Variants in DCAF1 observed in about 807,000 individuals in gnomAD.
The protein encoded by DCAF1 is DDB1- and CUL4-associated factor 1.
Under a neutral mutation model 128.0 loss-of-function variants are expected in DCAF1, and 15 were observed. The ratio of observed to expected loss-of-function variants is 0.12; its 90% CI spans 0.08 to 0.18. The LOEUF (loss-of-function observed/expected upper bound fraction) is 0.18. DCAF1 is among the 10% of genes least tolerant of loss of function. DCAF1 has a pLI of 1.00. For synonymous variants in DCAF1, 610 were observed against 603.0 expected (o/e 1.01, Z -0.17); for missense variants, 988 against 1,649.5 (o/e 0.60, Z 6.95).
chr3:51,452,369 GATTT>G (rs1553641697), intron 6 of DCAF1, among the ~76,000 whole-genome samples: 2 of 151,984 alleles, frequency 1.3e-5, no homozygotes, highest in Admixed American at 6.6e-5. Flanking sequence ...AAGAAATATT[GATTT>G]ATTAAAAAAA....
At chr3:51,483,609 TTGTGTGTGTGTGTGTGTGTGTGTGTGTG>T in intron 3 of DCAF1, 82 bp downstream of exon 3, 1 of 474,814 alleles carries the variant, frequency 2.1e-6, no homozygotes, top group Non-Finnish European at 4.0e-6. Flanking sequence ...TTAAACTAGT[TTGTGTGTGTGTGTGTGTGTGTGTGTGTG>T]TGTGTGTGTA....
rs267599883 is a variant in DCAF1 at position 51,422,406 on chromosome 3, C to A, written c.1873G>T (p.Asp625Tyr). Residue 625 changes from aspartate (D) to tyrosine (Y), a missense_variant, in exon 14 of 25, where the codon GAT becomes TAT. Asp to Tyr is a radical substitution (Grantham distance 160). Around this residue, in one of 11 missense-constraint regions of DCAF1, gnomAD observed 185 missense variants for 248.1 expected, o/e 0.75. Coordinates refer to ENST00000684031, the MANE Select transcript of DCAF1 (RefSeq NM_001387579.1). The part of the protein sequence containing the change: ...ARNDTVRFAL[D>Y]VLAILTVVPK... The stretch of plus-strand genomic sequence containing the variant: ...ACCACAGTAAGAATAGCCAGGACAT[C>A]CAAAGCAAAGCGCACAGTGTCATTC... 1.4e-6 allele frequency: 1 copy of A among 729,282 alleles called. No homozygotes were observed. The highest frequency in any genetic ancestry group is 2.6e-6 in the Non-Finnish European group (1 of 391,146). 45.2% of individuals were successfully genotyped at this position (729,282 alleles called of 1,614,324 possible).
At chr3:51,414,898 T>C (rs782160645) in intron 18 of DCAF1, 41 bp from the exon 19 acceptor site, 35 of 1,584,710 alleles carry the variant, frequency 2.2e-5, no homozygotes, top group Non-Finnish European at 2.6e-6. Context: ...ATCAGACCAA[T>C]CCATCCACTG....
chr3:51,469,599 C>G (rs1340960591), intron 4 of DCAF1, among the ~76,000 whole-genome samples: 2 of 152,098 alleles, frequency 1.3e-5, no homozygotes, highest in African/African-American at 4.8e-5. Flanking sequence ...TGGGCCCATG[C>G]ATGACTTCAG....
intron 13 of DCAF1, among the ~76,000 whole-genome samples, chr3:51,423,485 G>GA (rs1239251804): frequency 6.7e-6 from 1 of 150,146 alleles, no homozygotes; most frequent in Non-Finnish European, 1.5e-5. Flanking sequence ...TCGGGCCACA[G>GA]AGAGAGACTC....
intron 3 of DCAF1, among the ~76,000 whole-genome samples, chr3:51,480,125 A>T (rs75719026): frequency 4.5e-4 from 67 of 148,232 alleles, no homozygotes; most frequent in Admixed American, 2.5e-3. Context: ...AAAAAAAAAA[A>T]TTTTTTTTAA....
intron 9 of DCAF1, among the ~76,000 whole-genome samples, chr3:51,439,243 C>A (rs1553637925): frequency 6.6e-6 from 1 of 152,052 alleles, no homozygotes; most frequent in South Asian, 2.1e-4. Context: ...ATTCTCATGC[C>A]TCAGCCTCCT....
At chr3:51,414,557 G>A in intron 19 of DCAF1, 67 bp downstream of exon 19, 2 of 1,577,852 alleles carry the variant, frequency 1.3e-6, no homozygotes, top group Non-Finnish European at 1.7e-6. Context: ...TATAAAGATA[G>A]AACAAATTAT....
chr3:51,406,167 C>A (rs1328678899), intron 23 of DCAF1, among the ~76,000 whole-genome samples: 2 of 151,812 alleles, frequency 1.3e-5, no homozygotes, highest in Non-Finnish European at 2.9e-5. Flanking sequence ...CACAGTGAAA[C>A]CCCGTCTCTA....
At chr3:51,438,446 GAAC>G (rs1313996276) in intron 9 of DCAF1, among the ~76,000 whole-genome samples, 2 of 152,088 alleles carry the variant, frequency 1.3e-5, no homozygotes, top group African/African-American at 2.4e-5. Context: ...AATTTGTATA[GAAC>G]AACCATATAG....
At chr3:51,400,677 C>T (rs1326224716) in intron 24 of DCAF1, among the ~76,000 whole-genome samples, 1 of 152,074 alleles carries the variant, frequency 6.6e-6, no homozygotes, top group East Asian at 1.9e-4. Context: ...CCCCATTCTC[C>T]AAGTGTTGAA....
chr3:51,407,703 C>T (rs1697993667), intron 23 of DCAF1, among the ~76,000 whole-genome samples: 2 of 152,016 alleles, frequency 1.3e-5, no homozygotes, highest in Non-Finnish European at 2.9e-5. Context: ...AACACAGGCA[C>T]CAGGTTGGGC....
intron 6 of DCAF1, among the ~76,000 whole-genome samples, chr3:51,447,005 G>C (rs1553640416): frequency 1.7e-5 from 1 of 57,726 alleles, no homozygotes; most frequent in African/African-American, 6.5e-5. Context: ...ATAATAAAAT[G>C]TTTTAAATAT....
chr3:51,495,647 C>T (rs1708153486), intron 2 of DCAF1, among the ~76,000 whole-genome samples: 1 of 152,140 alleles, frequency 6.6e-6, no homozygotes, highest in South Asian at 2.1e-4. Flanking sequence ...AATCCCAGCA[C>T]TTTGGAAAAC....
intron 1 of DCAF1, among the ~76,000 whole-genome samples, chr3:51,499,059 AATAGCTAAATACAAAC>A (rs1708545893): frequency 6.6e-6 from 1 of 152,260 alleles, no homozygotes; most frequent in South Asian, 2.1e-4. Context: ...GTGACTCAAA[AATAGCTAAATACAAAC>A]ACTCCAAAAC....
At chr3:51,454,706 C>T (rs1702709406) in intron 6 of DCAF1, among the ~76,000 whole-genome samples, 2 of 151,598 alleles carry the variant, frequency 1.3e-5, no homozygotes, top group African/African-American at 4.8e-5. Flanking sequence ...CGGAGTCTCG[C>T]TCTGTCGCCC....
chr3:51,461,622 T>C (rs1427556194), intron 6 of DCAF1, among the ~76,000 whole-genome samples: 6 of 152,182 alleles, frequency 3.9e-5, no homozygotes, highest in East Asian at 1.9e-4. Context: ...CGTATGTTTA[T>C]TGCGGCACTA....
intron 3 of DCAF1, among the ~76,000 whole-genome samples, chr3:51,480,794 T>C (rs942605143): frequency 6.6e-6 from 1 of 152,064 alleles, no homozygotes; most frequent in Non-Finnish European, 1.5e-5. Flanking sequence ...CTATCATTCA[T>C]GTGTATGTAT....
At chr3:51,476,571 T>TAA in intron 3 of DCAF1, among the ~76,000 whole-genome samples, 1 of 39,182 alleles carries the variant, frequency 2.6e-5, no homozygotes, top group African/African-American at 1.2e-4. Context: ...AAATTATATC[T>TAA]CAAAAAAAAA....
Sources: gnomAD v4.1 joint callset for allele counts (sites outside exome capture counted in the v4.1 genomes callset) on GRCh38, gnomAD v4.1.1 for gene constraint, gnomAD v4.1.1 regional missense constraint, MANE v1.5 for transcripts, NCBI Gene and HGNC (gene_info 2026-07-23, HGNC 2026-07-21) for gene names.